The following SYNPO variants were observed in gnomAD, a reference collection of about 807,000 sequenced individuals.
The protein encoded by SYNPO is synaptopodin.
A neutral mutation model predicts 49.5 loss-of-function variants in SYNPO; 19 were observed. The observed-to-expected ratio is 0.38, with a 90% CI of 0.27 to 0.56. The LOEUF (loss-of-function observed/expected upper bound fraction) is 0.56, where lower values mean the gene tolerates loss of function less well. SYNPO is among the 20% of genes least tolerant of loss of function. The pLI is 0.68. For missense variants in SYNPO, 1,131 were observed against 1,248.3 expected (o/e 0.91, Z 1.42); for synonymous variants, 536 against 548.0 (o/e 0.98, Z 0.31).
chr5:150,625,364 G>A (rs1439637067), intron 2 of SYNPO, among the ~76,000 whole-genome samples: 1 of 152,182 alleles, frequency 6.6e-6, no homozygotes, highest in Non-Finnish European at 1.5e-5. Context: ...GGCGCCGTGG[G>A]GGCAGCGGGA....
chr5:150,627,519 A>C (rs1475098295), intron 2 of SYNPO, among the ~76,000 whole-genome samples: 1 of 152,250 alleles, frequency 6.6e-6, no homozygotes, highest in Non-Finnish European at 1.5e-5. Flanking sequence ...CCCTGCCCTC[A>C]AGGCACTTGC....
Position 150,649,609 on chromosome 5 carries a change from C to A in SYNPO, c.1334C>A (p.Ala445Glu). The change falls in exon 2 of 3, where the codon GCG becomes GAG. Residue 445 changes from alanine to glutamate, a missense_variant. By Grantham distance (107) the Ala-to-Glu change is moderately radical. Around this residue, in one of 4 missense-constraint regions of SYNPO, gnomAD observed 602 missense variants for 720.7 expected, o/e 0.84. Transcript: ENST00000307662. ...CGTGACAGGGCCAGCCCCGCGGCGG[C>A]GGAGGAGGTGGTACCAGAGTGGGCC... ...APRDRASPAA[A>E]EEVVPEWASC... 1 of 1,608,898 alleles carries A rather than the reference C, an allele frequency of 6.2e-7. No homozygotes were observed. Among genetic ancestry groups the A allele is most frequent in the Non-Finnish European group, 8.5e-7 (1 of 1,179,052 alleles).
At chr5:150,603,776 G>A (rs1436475494) in intron 1 of SYNPO, among the ~76,000 whole-genome samples, 1 of 152,210 alleles carries the variant, frequency 6.6e-6, no homozygotes, top group Non-Finnish European at 1.5e-5. Flanking sequence ...CTGACATGCA[G>A]TGTGACCCTA....
intron 2 of SYNPO, chr5:150,652,504 G>A: frequency 1.4e-6 from 1 of 703,284 alleles, no homozygotes; most frequent in Non-Finnish European, 1.7e-6. Context: ...TTCTGCACTG[G>A]TACAGACGTG....
At chr5:150,620,899 CTCTTTCTTTCTTTCTTTCTT>C (rs60102848) in intron 2 of SYNPO, among the ~76,000 whole-genome samples, 1,766 of 108,880 alleles carry the variant, frequency 0.016, 42 homozygotes, top group African/African-American at 0.049. Context: ...TTCTTTTTTT[CTCTTTCTTTCTTTCTTTCTT>C]TCTTTCTTTC....
Position 150,650,284 on chromosome 5 carries a change from A to G in SYNPO, c.2009A>G (p.Asn670Ser), listed in dbSNP as rs758507364. 1.5e-5 allele frequency: 24 copies of G among 1,613,988 alleles called. No homozygotes were observed. The highest frequency in any genetic ancestry group is 1.9e-5 in the Non-Finnish European group (22 of 1,180,050). ...QAPRPSFSTR[N>S]AGIEAQDRRE... ...CCCAGGCCCTCCTTCTCTACCCGGA[A>G]CGCCGGGATCGAGGCTCAGGTGTGG... The change falls in exon 2 of 3, where the codon AAC becomes AGC. Residue 670 changes from asparagine (N) to serine (S), a missense_variant. Coordinates refer to ENST00000307662, the MANE Select transcript of SYNPO (RefSeq NM_007286.6).
the SYNPO span, among the ~76,000 whole-genome samples, chr5:150,590,764 G>A: frequency 1.3e-5 from 2 of 152,270 alleles, no homozygotes; most frequent in African/African-American, 2.4e-5. Flanking sequence ...TACTTAGCAC[G>A]GTGCCTGACA....
chr5:150,594,855 C>T, the SYNPO span, among the ~76,000 whole-genome samples: 2 of 152,128 alleles, frequency 1.3e-5, no homozygotes, highest in Non-Finnish European at 2.9e-5. Context: ...GGACTCTTGC[C>T]GTTCTGTCCA....
At chr5:150,627,692 G>A (rs188852624) in intron 2 of SYNPO, among the ~76,000 whole-genome samples, 177 of 152,328 alleles carry the variant, frequency 1.2e-3, no homozygotes, top group African/African-American at 4.0e-3. Flanking sequence ...TCTCAGAGGT[G>A]ACTTCAGAAC....
At chr5:150,592,204 G>C in the SYNPO span, among the ~76,000 whole-genome samples, 1 of 151,872 alleles carries the variant, frequency 6.6e-6, no homozygotes, top group African/African-American at 2.4e-5. Flanking sequence ...AAGAAGAAAA[G>C]ATACAAGATG....
rs1233176451 is a variant in SYNPO at position 150,648,025 on chromosome 5, C to T, written c.-251C>T. On this transcript the variant is annotated 5_prime_UTR_variant, in exon 2 of 3. Coordinates refer to ENST00000307662, the MANE Select transcript of SYNPO (RefSeq NM_007286.6). This position sits in a 1 kb window ranked among gnomAD's most constrained non-coding sequence, Gnocchi z 5.0. ...AGCCAGCAGATTGCAGCCCAGCTGA[C>T]CACCCCTCCCAGCTCCAATTCCCGT... The T allele has an allele frequency of 1.7e-5, 27 of 1,551,708 alleles. No individual in the cohort carries two copies. The highest frequency in any genetic ancestry group is 2.4e-5 in the Non-Finnish European group (27 of 1,147,006).
At chr5:150,642,781 G>A (rs989536717) in intron 1 of SYNPO, among the ~76,000 whole-genome samples, 1 of 152,254 alleles carries the variant, frequency 6.6e-6, no homozygotes, top group African/African-American at 2.4e-5. Flanking sequence ...AGTGCGGGCT[G>A]CAGGAGCTTG....
rs1004461615 is a variant in SYNPO, at chr5:150,656,584, G to A, written c.2209G>A (p.Val737Met). 6.6e-7 allele frequency: 1 copy of A among 1,520,540 alleles called. No homozygotes were observed. The highest frequency in any genetic ancestry group is 8.8e-7 in the Non-Finnish European group (1 of 1,141,418). The allele number at this position is 1,520,540 out of a possible 1,614,324, so 94.2% of individuals were successfully genotyped here. ...PMSPSWSERS[V>M]SPLRPETEAR... is the part of the protein sequence containing the mutation. ...GTCTCCCTCGTGGAGCGAGCGCTCGGTGTCCCCGCTGCGACCTGAGACCGA... is the reference window on the plus strand; with the variant it reads ...GTCTCCCTCGTGGAGCGAGCGCTCGATGTCCCCGCTGCGACCTGAGACCGA... Residue 737 changes from valine (V) to methionine (M), a missense_variant, in exon 3 of 3, where the codon GTG becomes ATG. Val to Met is a conservative substitution (Grantham distance 21). Transcript: ENST00000307662.
intron 1 of SYNPO, among the ~76,000 whole-genome samples, chr5:150,642,776 G>A (rs956630059): frequency 6.6e-6 from 1 of 152,220 alleles, no homozygotes; most frequent in African/African-American, 2.4e-5. Context: ...GCTGGAGTGC[G>A]GGCTGCAGGA....
chr5:150,634,827 A>C (rs922321851), intron 2 of SYNPO, among the ~76,000 whole-genome samples: 1 of 124,688 alleles, frequency 8.0e-6, no homozygotes, highest in African/African-American at 3.5e-5. Flanking sequence ...CCCTGTCTAA[A>C]ACACACACAC....
chr5:150,648,773 C>T lies in SYNPO; in HGVS notation c.498C>T (p.Thr166=). 1.2e-6 allele frequency: 2 copies of T among 1,614,244 alleles called. No individual in the cohort carries two copies. The highest frequency in any genetic ancestry group is 1.1e-5 in the South Asian group (1 of 91,084). The change falls in exon 2 of 3, where the codon ACC becomes ACT. Residue 166 remains threonine, a synonymous_variant. Coordinates refer to ENST00000307662, the MANE Select transcript of SYNPO (RefSeq NM_007286.6). This position sits in a 1 kb window ranked among gnomAD's most constrained non-coding sequence, Gnocchi z 5.0. The part of the protein sequence containing the change: ...LIDKVSTPAT[T]TSTFSREATL... ...ACAAGGTATCAACTCCAGCTACCAC[C>T]ACCAGCACCTTCTCCAGAGAAGCTA...
chr5:150,610,889 G>C (rs866577239), intron 1 of SYNPO, among the ~76,000 whole-genome samples: 1 of 152,164 alleles, frequency 6.6e-6, no homozygotes. Flanking sequence ...GAATAGGAAG[G>C]TTCTAAAATG....
Position 150,657,415 on chromosome 5 carries a change from TTCTC to T in SYNPO, c.*343_*346del, listed in dbSNP as rs376731190. The T allele has an allele frequency of 4.4e-3, 854 of 192,204 alleles. 37 individuals are homozygous for T. In the East Asian group the frequency reaches 0.08, roughly 18 times the overall value. 11.9% of individuals were successfully genotyped at this position (192,204 alleles called of 1,614,324 possible). A position where few individuals can be genotyped will look rare whatever the true frequency, so the allele number is the denominator to read the frequency against. On this transcript the variant is annotated 3_prime_UTR_variant, in exon 3 of 3. Transcript: ENST00000307662. Reference sequence around the variant, plus strand: ...ACACCGATGCACACACACTCTCTCTTTCTCTCTCTCTCTCTCTCACACACACACA... The same window carrying T: ...ACACCGATGCACACACACTCTCTCTTTCTCTCTCTCTCTCACACACACACA...
the SYNPO span, among the ~76,000 whole-genome samples, chr5:150,590,775 C>T: frequency 2.0e-5 from 3 of 152,106 alleles, no homozygotes; most frequent in Non-Finnish European, 4.4e-5. Flanking sequence ...GTGCCTGACA[C>T]GTGAAGGGTC....
Sources: allele counts gnomAD v4.1 joint callset (sites outside exome capture counted in the v4.1 genomes callset), GRCh38; gene constraint gnomAD v4.1.1; regional missense constraint gnomAD v4.1.1; non-coding constraint Gnocchi (gnomAD v3.1); transcripts MANE v1.5; gene names NCBI Gene and HGNC (gene_info 2026-07-23, HGNC 2026-07-21).